The following CNTN1 variants were observed in gnomAD, a reference collection of about 807,000 sequenced individuals.
CNTN1 encodes the protein contactin 1, also known as contactin-1.
Under a neutral mutation model 126.4 loss-of-function variants are expected in CNTN1, and 38 were observed. The ratio of observed to expected loss-of-function variants is 0.30; its 90% CI spans 0.23 to 0.39. The LOEUF (loss-of-function observed/expected upper bound fraction) is 0.39, where lower values mean the gene tolerates loss of function less well. CNTN1 is among the 10% of genes least tolerant of loss of function. The pLI, the probability that CNTN1 is intolerant of heterozygous loss-of-function variation, is 1.00. For synonymous variants in CNTN1, 413 were observed against 422.6 expected (o/e 0.98, Z 0.28); for missense variants, 1,009 against 1,248.4 (o/e 0.81, Z 2.89).
chr12:40,829,172 CAG>C (rs1310767976), intron 1 of CNTN1, among the ~76,000 whole-genome samples: 6 of 151,824 alleles, frequency 4.0e-5, no homozygotes, highest in African/African-American at 1.2e-4. Flanking sequence ...GATGAGAAAA[CAG>C]AATTAATAAA....
chr12:40,936,335 G>T (rs1049381050), intron 9 of CNTN1, among the ~76,000 whole-genome samples: 1 of 152,058 alleles, frequency 6.6e-6, no homozygotes, highest in Non-Finnish European at 1.5e-5. Flanking sequence ...CTAGCTGAAA[G>T]TTCCATCAAA....
intron 1 of CNTN1, among the ~76,000 whole-genome samples, chr12:40,836,121 T>G (rs1487979163): frequency 8.3e-6 from 1 of 120,014 alleles, no homozygotes; most frequent in Non-Finnish European, 1.8e-5. Context: ...CAGGTATATA[T>G]ATACGTACAT....
At chr12:41,014,164 C>G in intron 17 of CNTN1, 64 bp from the exon 18 acceptor site, 1 of 1,486,306 alleles carries the variant, frequency 6.7e-7, no homozygotes, top group Non-Finnish European at 9.3e-7. Context: ...AATTCTAACA[C>G]CAGGAAAAAA....
chr12:41,005,720 A>G (rs950127186), intron 17 of CNTN1, among the ~76,000 whole-genome samples: 3 of 152,004 alleles, frequency 2.0e-5, no homozygotes, highest in East Asian at 3.9e-4. Context: ...TGCTGTTGAT[A>G]CTTGTGATTG....
chr12:40,943,748 T>A lies in CNTN1; in HGVS notation c.1507+24T>A, dbSNP rs1729899521. On this transcript the variant is annotated intron_variant, in intron 13 of 23. Transcript: ENST00000551295. The stretch of plus-strand genomic sequence containing the variant: ...AGGTAAGTTAATGTTTGAGGGTGCT[T>A]AATTTCTAATGTATTAAAAAACATG... 3 of 1,610,316 alleles carry A rather than the reference T, an allele frequency of 1.9e-6. No homozygotes were observed. In the South Asian group the frequency reaches 3.3e-5, roughly 18 times the overall value.
intron 1 of CNTN1, among the ~76,000 whole-genome samples, chr12:40,771,278 G>A (rs12425979): frequency 0.049 from 7,488 of 152,086 alleles, 249 homozygotes; most frequent in East Asian, 0.07. Context: ...TCTCAGGCTT[G>A]CAAACTAAAA....
At chr12:40,814,309 C>T (rs1049644846) in intron 1 of CNTN1, among the ~76,000 whole-genome samples, 1 of 152,178 alleles carries the variant, frequency 6.6e-6, no homozygotes, top group South Asian at 2.1e-4. Flanking sequence ...AGGTTTTCTT[C>T]TAGGGTTTTT....
chr12:40,789,833 T>C (rs1409522145), intron 1 of CNTN1, among the ~76,000 whole-genome samples: 3 of 152,174 alleles, frequency 2.0e-5, no homozygotes, highest in Admixed American at 2.0e-4. Flanking sequence ...TTTTCTATTG[T>C]TTAACTTAAA....
intron 23 of CNTN1, among the ~76,000 whole-genome samples, chr12:41,055,729 T>G (rs1357556197): frequency 1.3e-5 from 2 of 152,118 alleles, no homozygotes. Flanking sequence ...GAAACTCACA[T>G]TTTAATCACA....
At chr12:40,697,637 AAAC>A (rs1271354692) in intron 1 of CNTN1, among the ~76,000 whole-genome samples, 1 of 152,230 alleles carries the variant, frequency 6.6e-6, no homozygotes, top group Non-Finnish European at 1.5e-5. Context: ...TTGAATATAA[AAAC>A]AACATGTGAC....
chr12:40,792,721 T>TA (rs1940266076), intron 1 of CNTN1, among the ~76,000 whole-genome samples: 1 of 152,126 alleles, frequency 6.6e-6, no homozygotes, highest in Admixed American at 6.6e-5. Context: ...TTTGTGGGTC[T>TA]TTTTAGTTTT....
At chr12:40,815,798 G>A (rs781089494) in intron 1 of CNTN1, among the ~76,000 whole-genome samples, 14 of 152,128 alleles carry the variant, frequency 9.2e-5, no homozygotes, top group Non-Finnish European at 2.1e-4. Context: ...GTCATAAATA[G>A]CTCTAATTAT....
chr12:40,954,736 T>C (rs1319479423), intron 14 of CNTN1, among the ~76,000 whole-genome samples: 2 of 151,996 alleles, frequency 1.3e-5, no homozygotes, highest in African/African-American at 4.8e-5. Flanking sequence ...AGGAGAAGGA[T>C]ACAAATTAAA....
At chr12:40,937,430 T>G (rs1306698804) in intron 10 of CNTN1, 140 bp from the exon 11 acceptor site, 5 of 682,794 alleles carry the variant, frequency 7.3e-6, no homozygotes, top group Non-Finnish European at 1.3e-5. Context: ...GCCATGAAAA[T>G]CCCACTCAGT....
chr12:41,044,144 TATAATA>T (rs1462616261), intron 23 of CNTN1, among the ~76,000 whole-genome samples: 1 of 151,264 alleles, frequency 6.6e-6, no homozygotes, highest in African/African-American at 2.4e-5. Context: ...AAACTTAAAG[TATAATA>T]ATAATAAAAT....
intron 1 of CNTN1, among the ~76,000 whole-genome samples, chr12:40,896,689 C>T (rs1944426613): frequency 6.6e-6 from 1 of 152,148 alleles, no homozygotes; most frequent in Non-Finnish European, 1.5e-5. Context: ...TTTAAGTTGT[C>T]CTCAAATATA....
intron 19 of CNTN1, among the ~76,000 whole-genome samples, chr12:41,017,336 C>A (rs149170261): frequency 7.2e-6 from 1 of 139,400 alleles, no homozygotes; most frequent in Non-Finnish European, 1.5e-5. Flanking sequence ...CTTTGGGAGG[C>A]GGAGGCAGGC....
chr12:41,069,749 G>A (rs1029022315), intron 23 of CNTN1, among the ~76,000 whole-genome samples: 1 of 152,232 alleles, frequency 6.6e-6, no homozygotes, highest in East Asian at 1.9e-4. Flanking sequence ...TAATCATGTT[G>A]TGTAAACAGT....
At chr12:40,972,321 C>T in intron 15 of CNTN1, 5 of 985,196 alleles carry the variant, frequency 5.1e-6, no homozygotes, top group Non-Finnish European at 6.0e-6. Context: ...ATAATTCTTT[C>T]TGGGACTGCT....
Sources: gnomAD v4.1 joint callset for allele counts (sites outside exome capture counted in the v4.1 genomes callset) on GRCh38, gnomAD v4.1.1 for gene constraint, MANE v1.5 for transcripts, NCBI Gene and HGNC (gene_info 2026-07-23, HGNC 2026-07-21) for gene names.